Variants in GPC5 observed in about 807,000 individuals in gnomAD.
GPC5 encodes glypican-5.
In GPC5, 47 loss-of-function variants were observed where a neutral mutation model predicts 53.9. That is an observed-to-expected ratio of 0.87 (90% CI 0.69 to 1.11). The LOEUF is 1.11. Among genes scored for constraint, GPC5 ranks in the 50% most tolerant of loss-of-function variants. GPC5 has a pLI of 0.00. For missense variants in GPC5, 748 were observed against 713.1 expected (o/e 1.05, Z -0.56); for synonymous variants, 286 against 263.3 (o/e 1.09, Z -0.84).
chr13:91,621,761 T>TTATA (rs1555331079), intron 2 of GPC5, among the ~76,000 whole-genome samples: 18 of 46,870 alleles, frequency 3.8e-4, no homozygotes, highest in African/African-American at 8.9e-4. Context: ...GGACAGAACA[T>TTATA]TATATATATA....
chr13:92,458,919 CGTGCTTT>C (rs1878377558), intron 7 of GPC5, among the ~76,000 whole-genome samples: 1 of 152,114 alleles, frequency 6.6e-6, no homozygotes, highest in South Asian at 2.1e-4. Context: ...AAGCAACCCA[CGTGCTTT>C]GTGAGTGCCT....
chr13:92,640,571 T>G (rs2139148659), intron 7 of GPC5, among the ~76,000 whole-genome samples: 1 of 152,232 alleles, frequency 6.6e-6, no homozygotes, highest in Middle Eastern at 3.4e-3. Context: ...CAGATGGTTT[T>G]TAATACCTGT....
intron 7 of GPC5, among the ~76,000 whole-genome samples, chr13:92,826,275 G>T (rs1877844579): frequency 6.6e-6 from 1 of 152,088 alleles, no homozygotes; most frequent in Non-Finnish European, 1.5e-5. Flanking sequence ...TAGGGAGAAT[G>T]CCCTCCAAAG....
At chr13:92,642,065 AT>A (rs746402683) in intron 7 of GPC5, among the ~76,000 whole-genome samples, 23 of 152,182 alleles carry the variant, frequency 1.5e-4, no homozygotes, top group South Asian at 6.2e-4. Flanking sequence ...AGAAAAAAAA[AT>A]ATTTCAAAAA....
chr13:92,049,550 CT>C (rs2041010449), intron 6 of GPC5, among the ~76,000 whole-genome samples: 2 of 152,002 alleles, frequency 1.3e-5, no homozygotes, highest in Admixed American at 6.6e-5. Flanking sequence ...TTCTGCTTAG[CT>C]TTTTTCTTGG....
Position 91,580,185 on chromosome 13 carries a change from G to T in GPC5, c.326-113002G>T, listed in dbSNP as rs953598679. Among the ~76,000 whole-genome samples, 4 of 152,104 alleles carry T rather than the reference G, an allele frequency of 2.6e-5. No individual in the cohort carries two copies. In the South Asian group the frequency reaches 6.2e-4, roughly 24 times the overall value. On this transcript the variant is annotated intron_variant, in intron 2 of 7. Transcript: ENST00000377067. ...CCTGCCTTAGCCTCCAGAGTATCTG[G>T]GACTACAGGCGCCTGCCACCATGCC...
chr13:92,410,508 G>T (rs1384526658), intron 7 of GPC5, among the ~76,000 whole-genome samples: 1 of 152,118 alleles, frequency 6.6e-6, no homozygotes, highest in Non-Finnish European at 1.5e-5. Context: ...TATGTTGAAA[G>T]CATTGCACAG....
At chr13:92,323,870 T>C (rs1437402358) in intron 7 of GPC5, among the ~76,000 whole-genome samples, 3 of 151,958 alleles carry the variant, frequency 2.0e-5, no homozygotes, top group African/African-American at 7.2e-5. Context: ...CCATTAGTTA[T>C]ATCTAATTTC....
At chr13:91,531,260 T>C (rs1381948343) in intron 2 of GPC5, among the ~76,000 whole-genome samples, 2 of 152,168 alleles carry the variant, frequency 1.3e-5, no homozygotes, top group African/African-American at 4.8e-5. Flanking sequence ...CAGATAGTGG[T>C]CCATTGTTTT....
At chr13:92,321,123 G>A (rs1368294838) in intron 7 of GPC5, among the ~76,000 whole-genome samples, 25 of 152,078 alleles carry the variant, frequency 1.6e-4, no homozygotes, top group Non-Finnish European at 1.5e-5. Flanking sequence ...ACATGGTGAT[G>A]GCTTGACAAG....
chr13:92,009,324 G>C (rs2040639572), intron 6 of GPC5, among the ~76,000 whole-genome samples: 1 of 149,716 alleles, frequency 6.7e-6, no homozygotes. Context: ...AACCAGTTTA[G>C]TTACTGGGAG....
At chr13:91,522,708 C>T (rs948790582) in intron 2 of GPC5, among the ~76,000 whole-genome samples, 1 of 152,128 alleles carries the variant, frequency 6.6e-6, no homozygotes, top group Non-Finnish European at 1.5e-5. Flanking sequence ...TGTTTCCCTA[C>T]CCCGTGTCCA....
chr13:92,626,630 G>T (rs561717127), intron 7 of GPC5, among the ~76,000 whole-genome samples: 2 of 152,248 alleles, frequency 1.3e-5, no homozygotes, highest in South Asian at 4.1e-4. Flanking sequence ...ATGTACTTTT[G>T]CAAGGGATGC....
At chr13:92,257,546 A>ATTTTTTGTTTTTT (rs2042735241) in intron 7 of GPC5, among the ~76,000 whole-genome samples, 1 of 72,966 alleles carries the variant, frequency 1.4e-5, no homozygotes, top group Non-Finnish European at 2.3e-5. Context: ...TAATACAGGG[A>ATTTTTTGTTTTTT]TTTTTTTTTT....
chr13:92,615,579 T>C (rs1167199390), intron 7 of GPC5, among the ~76,000 whole-genome samples: 3 of 152,192 alleles, frequency 2.0e-5, no homozygotes, highest in Admixed American at 2.0e-4. Flanking sequence ...GCTTTTAAAA[T>C]AAACATCTAG....
intron 7 of GPC5, among the ~76,000 whole-genome samples, chr13:92,199,254 G>A (rs1207539057): frequency 6.6e-6 from 1 of 152,130 alleles, no homozygotes; most frequent in African/African-American, 2.4e-5. Context: ...TTTACTGCAC[G>A]GACCTGTGTC....
At chr13:91,842,700 G>A (rs1485277622) in intron 5 of GPC5, among the ~76,000 whole-genome samples, 1 of 70,560 alleles carries the variant, frequency 1.4e-5, no homozygotes, top group Non-Finnish European at 2.4e-5. Context: ...GCGAGACTCC[G>A]TCTCAAAAAA....
chr13:91,772,007 A>T (rs904095949), intron 5 of GPC5, among the ~76,000 whole-genome samples: 2 of 152,196 alleles, frequency 1.3e-5, no homozygotes, highest in Non-Finnish European at 2.9e-5. Flanking sequence ...AGTGGATTGG[A>T]GATTAAAGAG....
At chr13:92,826,631 C>A (rs2138816032) in intron 7 of GPC5, among the ~76,000 whole-genome samples, 1 of 152,088 alleles carries the variant, frequency 6.6e-6, no homozygotes, top group East Asian at 1.9e-4. Flanking sequence ...AATATATATC[C>A]CAAGGGACAG....
Sources: allele counts gnomAD v4.1 joint callset (sites outside exome capture counted in the v4.1 genomes callset), GRCh38; gene constraint gnomAD v4.1.1; transcripts MANE v1.5; gene names NCBI Gene and HGNC (gene_info 2026-07-23, HGNC 2026-07-21).